The following RFX3 variants were observed in gnomAD, a reference collection of about 807,000 sequenced individuals.
The protein encoded by RFX3 is regulatory factor X3.
Under a neutral mutation model 98.6 loss-of-function variants are expected in RFX3, and 14 were observed. The observed-to-expected ratio is 0.14, with a 90% confidence interval of 0.09 to 0.22. RFX3 has a LOEUF of 0.22. Among genes scored for constraint, RFX3 ranks in the 10% least tolerant of loss-of-function variants. RFX3 has a pLI of 1.00. For synonymous variants in RFX3, 383 were observed against 328.4 expected (o/e 1.17, Z -1.80); for missense variants, 639 against 926.9 (o/e 0.69, Z 4.03).
intron 1 of RFX3, among the ~76,000 whole-genome samples, chr9:3,415,430 T>A (rs1188176157): frequency 6.6e-6 from 1 of 151,782 alleles, no homozygotes; most frequent in African/African-American, 2.4e-5. Context: ...ATTTTTAATA[T>A]ACACAATAAT....
intron 4 of RFX3, among the ~76,000 whole-genome samples, chr9:3,303,317 A>C (rs1828888148): frequency 6.6e-6 from 1 of 151,930 alleles, no homozygotes; most frequent in Non-Finnish European, 1.5e-5. Context: ...AAACATGATC[A>C]ATAAGTGCTT....
At chr9:3,348,890 C>T (rs1834761430) in intron 2 of RFX3, among the ~76,000 whole-genome samples, 1 of 152,030 alleles carries the variant, frequency 6.6e-6, no homozygotes, top group African/African-American at 2.4e-5. Flanking sequence ...TAACAAGATG[C>T]TTCAGGCTTA....
chr9:3,322,410 A>C (rs1389038690), intron 4 of RFX3, among the ~76,000 whole-genome samples: 4 of 152,106 alleles, frequency 2.6e-5, no homozygotes, highest in African/African-American at 9.7e-5. Context: ...TTTTCTAACT[A>C]TCTAGAAAAG....
At chr9:3,512,057 T>G (rs7871145) in intron 1 of RFX3, among the ~76,000 whole-genome samples, 151,434 of 152,092 alleles carry the variant, frequency 1, 75,389 homozygotes, top group East Asian at 1. Flanking sequence ...GAAATATCCC[T>G]TAAATATATA....
intron 1 of RFX3, among the ~76,000 whole-genome samples, chr9:3,421,593 G>C (rs1843444193): frequency 6.6e-6 from 1 of 152,156 alleles, no homozygotes; most frequent in South Asian, 2.1e-4. Context: ...AGCATTGCAA[G>C]TCCTTGACCT....
rs142003023 is a variant in RFX3 at position 3,428,952 on chromosome 9, C to T, written c.-8-33356G>A. On this transcript the variant is annotated intron_variant, in intron 1 of 16. Coordinates refer to ENST00000617270, the MANE Select transcript of RFX3 (RefSeq NM_001282116.2). The stretch of plus-strand genomic sequence containing the variant: ...GGCACAGTGCCAAGGGCCCATAATA[C>T]TCTCTAATACTCTCTAGGGCCCCAA... Among the ~76,000 whole-genome samples, 40 of 136,866 alleles carry T rather than the reference C, an allele frequency of 2.9e-4. No homozygotes were observed. The East Asian group carries it at 8.3e-3, about 29-fold the overall frequency. 89.8% of individuals were successfully genotyped at this position (136,866 alleles called of 152,430 possible).
intron 1 of RFX3, chr9:3,489,422 C>G: frequency 2.0e-6 from 2 of 985,352 alleles, no homozygotes; most frequent in Non-Finnish European, 2.4e-6. Flanking sequence ...GTAGTGGAAG[C>G]AGAAGTTCAC....
intron 15 of RFX3, among the ~76,000 whole-genome samples, chr9:3,241,376 T>C (rs1374055539): frequency 2.0e-5 from 3 of 152,148 alleles, no homozygotes; most frequent in African/African-American, 7.2e-5. Flanking sequence ...ATCACAGTTA[T>C]AAGCAAATTT....
intron 2 of RFX3, among the ~76,000 whole-genome samples, chr9:3,371,927 A>C (rs1347133577): frequency 6.6e-6 from 1 of 152,218 alleles, no homozygotes; most frequent in Non-Finnish European, 1.5e-5. Flanking sequence ...AACACTTTAC[A>C]GCCTAATAAC....
rs1442173295 is a variant in RFX3 at position 3,424,417 on chromosome 9, A to T, written c.-8-28821T>A. The stretch of plus-strand genomic sequence containing the variant: ...CGCTCTGTCGCCCAGGCTGGAGTGC[A>T]GTGGCGCGATCTCGACTCACTGCAA... On this transcript the variant is annotated intron_variant, in intron 1 of 16. Coordinates refer to ENST00000617270, the MANE Select transcript of RFX3 (RefSeq NM_001282116.2). 3.4e-5 allele frequency among the ~76,000 whole-genome samples: 4 copies of T among 117,678 alleles called. No individual in the cohort carries two copies. In the Admixed American group the frequency reaches 4.9e-4, roughly 15 times the overall value. The allele number at this position is 117,678 out of a possible 152,430, so 77.2% of individuals were successfully genotyped here.
intron 8 of RFX3, among the ~76,000 whole-genome samples, chr9:3,276,005 T>C (rs1259849994): frequency 1.3e-5 from 2 of 152,134 alleles, no homozygotes; most frequent in African/African-American, 4.8e-5. Context: ...CATTATGTTC[T>C]TAACTGTTAT....
intron 1 of RFX3, among the ~76,000 whole-genome samples, chr9:3,412,415 TTTTCG>T (rs759526568): frequency 6.6e-6 from 1 of 152,194 alleles, no homozygotes; most frequent in Non-Finnish European, 1.5e-5. Flanking sequence ...GATAATGCTA[TTTTCG>T]TTTCAAGTAA....
chr9:3,521,401 T>G (rs1323450194), intron 1 of RFX3, among the ~76,000 whole-genome samples: 1 of 152,178 alleles, frequency 6.6e-6, no homozygotes, highest in Admixed American at 6.5e-5. Flanking sequence ...AAAATAAGCC[T>G]ATTATATGCT....
intron 1 of RFX3, among the ~76,000 whole-genome samples, chr9:3,446,612 A>G (rs897692033): frequency 6.6e-6 from 1 of 152,012 alleles, no homozygotes; most frequent in African/African-American, 2.4e-5. Context: ...AAAAAAAAAA[A>G]CATACATACA....
At chr9:3,489,312 T>C in intron 1 of RFX3, 1 of 309,544 alleles carries the variant, frequency 3.2e-6, no homozygotes, top group Non-Finnish European at 4.7e-6. Context: ...ACACTATGCC[T>C]ATCCCTCTGA....
intron 2 of RFX3, among the ~76,000 whole-genome samples, chr9:3,356,571 T>A (rs1053515623): frequency 1.3e-5 from 2 of 151,814 alleles, no homozygotes; most frequent in Admixed American, 1.3e-4. Flanking sequence ...AAATTGCCAA[T>A]CTAACACAAA....
intron 1 of RFX3, among the ~76,000 whole-genome samples, chr9:3,463,679 T>A (rs1200987293): frequency 2.6e-5 from 4 of 152,006 alleles, no homozygotes; most frequent in African/African-American, 9.7e-5. Flanking sequence ...CTGTTTTTTT[T>A]AAAACTAGGG....
intron 1 of RFX3, among the ~76,000 whole-genome samples, chr9:3,422,342 T>C (rs908298388): frequency 1.3e-5 from 2 of 152,154 alleles, no homozygotes; most frequent in Admixed American, 6.5e-5. Flanking sequence ...TTGTTGGTAA[T>C]GGTGGTGGTA....
At chr9:3,474,659 G>C (rs530080300) in intron 1 of RFX3, among the ~76,000 whole-genome samples, 2 of 152,192 alleles carry the variant, frequency 1.3e-5, no homozygotes, top group Admixed American at 1.3e-4. Flanking sequence ...CCAAGACTCT[G>C]AATACAGATT....
Sources: allele counts gnomAD v4.1 joint callset (sites outside exome capture counted in the v4.1 genomes callset), GRCh38; gene constraint gnomAD v4.1.1; transcripts MANE v1.5; gene names NCBI Gene and HGNC (gene_info 2026-07-23, HGNC 2026-07-21).